PHF21A: variants seen among roughly 807,000 people sequenced by gnomAD.
PHF21A encodes the protein PHD finger protein 21A.
A neutral mutation model predicts 82.5 loss-of-function variants in PHF21A; 11 were observed. The observed-to-expected ratio is 0.13, with a 90% confidence interval of 0.08 to 0.22. PHF21A has a LOEUF of 0.22. Among genes scored for constraint, PHF21A ranks in the 10% least tolerant of loss-of-function variants. The pLI, the probability that PHF21A is intolerant of heterozygous loss-of-function variation, is 1.00. For missense variants in PHF21A, 579 were observed against 837.8 expected (o/e 0.69, Z 3.81); for synonymous variants, 297 against 302.8 (o/e 0.98, Z 0.20).
At position 46,001,185 on chromosome 11, in the gene PHF21A, A is replaced by G. The variant is rs988525023; in HGVS notation, c.154-21219T>C. On this transcript the variant is annotated intron_variant, in intron 6 of 18. Transcript: ENST00000676320. ...GAAGCAGAAACATCACAGAAGTCTA[A>G]GAAGAAAAACTTAAAGCCATGTATG... 2.6e-5 allele frequency among the ~76,000 whole-genome samples: 4 copies of G among 151,978 alleles called. No individual in the cohort carries two copies. In the South Asian group the frequency reaches 8.3e-4, roughly 31 times the overall value.
chr11:45,974,651 C>T (rs952576868), intron 7 of PHF21A, among the ~76,000 whole-genome samples: 1 of 151,844 alleles, frequency 6.6e-6, no homozygotes, highest in Non-Finnish European at 1.5e-5. Context: ...GACGTGATCT[C>T]GCTATGTTGC....
At chr11:46,024,293 T>G (rs972924372) in intron 6 of PHF21A, among the ~76,000 whole-genome samples, 2 of 152,182 alleles carry the variant, frequency 1.3e-5, no homozygotes. Context: ...TTTCCCTCCC[T>G]CTCTCCCTAT....
chr11:46,077,567 A>G (rs1458011687), intron 5 of PHF21A, among the ~76,000 whole-genome samples: 1 of 152,248 alleles, frequency 6.6e-6, no homozygotes, highest in Non-Finnish European at 1.5e-5. Flanking sequence ...TTTGTCTCAC[A>G]TACAATTCTT....
chr11:46,034,247 G>C (rs2138450006), intron 6 of PHF21A, among the ~76,000 whole-genome samples: 1 of 122,122 alleles, frequency 8.2e-6, no homozygotes, highest in African/African-American at 3.2e-5. Flanking sequence ...CTTTTCCCTT[G>C]GGAGGCTCAT....
intron 1 of PHF21A, among the ~76,000 whole-genome samples, chr11:46,098,188 C>T (rs1006007023): frequency 7.9e-5 from 12 of 152,164 alleles, no homozygotes; most frequent in Non-Finnish European, 1.0e-4. Context: ...TAGCTAAAAT[C>T]TACAAAGATT....
chr11:46,052,911 ATG>A (rs964927974), intron 6 of PHF21A, among the ~76,000 whole-genome samples: 1 of 152,040 alleles, frequency 6.6e-6, no homozygotes, highest in African/African-American at 2.4e-5. Flanking sequence ...TTCAAGGGGC[ATG>A]TGTGTGTGTG....
intron 6 of PHF21A, among the ~76,000 whole-genome samples, chr11:45,993,866 C>T (rs2094807013): frequency 6.6e-6 from 1 of 151,892 alleles, no homozygotes; most frequent in Non-Finnish European, 1.5e-5. Flanking sequence ...GCTCTGGAGC[C>T]TGTTACACCG....
Position 45,935,174 on chromosome 11 carries a change from G to T in PHF21A, c.1788+462C>A, listed in dbSNP as rs917956440. ...TTCCTCACACTGGTCAGGAAAACCG[G>T]GAAATGCAATCAGCATGGTGTGGAA... On this transcript the variant is annotated intron_variant, in intron 18 of 18. Coordinates refer to ENST00000676320, the MANE Select transcript of PHF21A (RefSeq NM_001352027.3). The T allele has an allele frequency of 3.1e-6, 4 of 1,289,784 alleles. No individual in the cohort carries two copies. The African/African-American group carries it at 6.1e-5, about 20-fold the overall frequency. The allele number at this position is 1,289,784 out of a possible 1,614,324, so 79.9% of individuals were successfully genotyped here. A position where few individuals can be genotyped will look rare whatever the true frequency, so the allele number is the denominator to read the frequency against.
At chr11:46,006,302 A>G (rs1052030012) in intron 6 of PHF21A, among the ~76,000 whole-genome samples, 1 of 152,226 alleles carries the variant, frequency 6.6e-6, no homozygotes, top group African/African-American at 2.4e-5. Context: ...AGGGCAAAAA[A>G]CCATGAGAAA....
intron 6 of PHF21A, among the ~76,000 whole-genome samples, chr11:45,989,489 C>CCA (rs1215314052): frequency 7.2e-4 from 4 of 5,588 alleles, no homozygotes; most frequent in South Asian, 5.1e-3. Context: ...CCCATCTCTA[C>CCA]TAAAAAAAAA....
intron 6 of PHF21A, among the ~76,000 whole-genome samples, chr11:46,006,869 G>A (rs2095307171): frequency 6.6e-6 from 1 of 151,982 alleles, no homozygotes; most frequent in South Asian, 2.1e-4. Context: ...AAATCAACAG[G>A]TACTAACAAT....
intron 6 of PHF21A, among the ~76,000 whole-genome samples, chr11:46,033,219 A>G (rs903116393): frequency 6.6e-6 from 1 of 152,170 alleles, no homozygotes; most frequent in African/African-American, 2.4e-5. Context: ...TAATTTACTT[A>G]TCCTATCACA....
At chr11:45,958,740 A>AC (rs1279746113) in intron 10 of PHF21A, among the ~76,000 whole-genome samples, 4 of 151,754 alleles carry the variant, frequency 2.6e-5, no homozygotes, top group Admixed American at 6.6e-5. Flanking sequence ...AGAAAGTGAG[A>AC]CCCCATCTCT....
intron 15 of PHF21A, among the ~76,000 whole-genome samples, chr11:45,938,837 CTTT>C: frequency 7.0e-6 from 1 of 143,218 alleles, no homozygotes; most frequent in Non-Finnish European, 1.5e-5. Context: ...CTAGTGTATT[CTTT>C]TTTTTTTTTT....
chr11:46,079,486 G>A (rs778612148), intron 4 of PHF21A, among the ~76,000 whole-genome samples: 4 of 152,154 alleles, frequency 2.6e-5, no homozygotes, highest in Non-Finnish European at 2.9e-5. Context: ...CCTTTCAAAT[G>A]TTGTCAATGT....
intron 6 of PHF21A, among the ~76,000 whole-genome samples, chr11:46,036,435 C>T (rs1458551464): frequency 6.6e-6 from 1 of 152,196 alleles, no homozygotes; most frequent in African/African-American, 2.4e-5. Flanking sequence ...TAGACTCAAT[C>T]TGTCAAATTC....
In PHF21A at chr11:46,020,182, T is replaced by TAC. The variant is rs2095601386; in HGVS notation, c.154-40218_154-40217dup. 3.9e-5 allele frequency among the ~76,000 whole-genome samples: 6 copies of TAC among 152,342 alleles called. No individual in the cohort carries two copies. The South Asian group carries it at 1.2e-3, about 32-fold the overall frequency. Reference sequence around the variant, plus strand: ...ATTACTTTTTCTTGGATTTGATCCCTACTTTGTGGCATCAGTGGTGTCATT... The same window carrying TAC: ...ATTACTTTTTCTTGGATTTGATCCCTACACTTTGTGGCATCAGTGGTGTCATT... On this transcript the variant is annotated intron_variant, in intron 6 of 18. Coordinates refer to ENST00000676320, the MANE Select transcript of PHF21A (RefSeq NM_001352027.3).
At chr11:45,949,614 A>T in intron 12 of PHF21A, 133 bp from the exon 13 acceptor site, 1 of 744,390 alleles carries the variant, frequency 1.3e-6, no homozygotes, top group Non-Finnish European at 2.3e-6. Flanking sequence ...CTGAAGCCTC[A>T]GCAGAGGCAA....
chr11:45,962,940 T>C (rs1268606188), intron 10 of PHF21A, among the ~76,000 whole-genome samples: 1 of 151,870 alleles, frequency 6.6e-6, no homozygotes, highest in East Asian at 1.9e-4. Context: ...AAAGAAATTA[T>C]TTTAATTCTT....
Sources: gnomAD v4.1 joint callset for allele counts (sites outside exome capture counted in the v4.1 genomes callset) on GRCh38, gnomAD v4.1.1 for gene constraint, MANE v1.5 for transcripts, NCBI Gene and HGNC (gene_info 2026-07-23, HGNC 2026-07-21) for gene names.